TBC1D12: variants seen among roughly 807,000 people sequenced by gnomAD.
TBC1D12 encodes the protein TBC1 domain family, member 12.
A neutral mutation model predicts 86.7 loss-of-function variants in TBC1D12; 56 were observed. The ratio of observed to expected loss-of-function variants is 0.65; its 90% CI spans 0.52 to 0.81. TBC1D12 has a LOEUF of 0.81. Ranked by LOEUF, TBC1D12 falls within the 30% of genes least tolerant of loss-of-function variation. The pLI, the probability that TBC1D12 is intolerant of heterozygous loss-of-function variation, is 0.00. For synonymous variants in TBC1D12, 421 were observed against 411.7 expected (o/e 1.02, Z -0.27); for missense variants, 1,023 against 1,038.8 (o/e 0.98, Z 0.21).
At chr10:94,496,415 G>T (rs184880453) in intron 4 of TBC1D12, among the ~76,000 whole-genome samples, 2 of 151,902 alleles carry the variant, frequency 1.3e-5, no homozygotes, top group African/African-American at 2.4e-5. Context: ...TTTCAAACTA[G>T]TAAAGTGAAA....
rs1842412664 is a variant in TBC1D12, at chr10:94,531,335, C to T, written c.2134C>T (p.Leu712=). Residue 712 remains leucine (L), a synonymous_variant, in exon 12 of 13, where the codon CTG becomes TTG. Transcript: ENST00000225235. Reference sequence around the variant, plus strand: ...CCTCCGATTATATGAAGATATTCTCCTGCAGATGGACTTTATTCATATAGC... The same window carrying T: ...CCTCCGATTATATGAAGATATTCTCTTGCAGATGGACTTTATTCATATAGC... ...GILRLYEDIL[L]QMDFIHIAQF... is the part of the protein sequence containing the mutation. 6 of 1,613,984 alleles carry T rather than the reference C, an allele frequency of 3.7e-6. No individual in the cohort carries two copies. Among genetic ancestry groups the T allele is most frequent in the Non-Finnish European group, 5.1e-6 (6 of 1,180,026 alleles).
At chr10:94,464,358 T>C (rs909984234) in intron 2 of TBC1D12, among the ~76,000 whole-genome samples, 10 of 152,250 alleles carry the variant, frequency 6.6e-5, no homozygotes, top group African/African-American at 2.4e-4. Context: ...TTTTTGTCAC[T>C]GCACTTTATC....
Position 94,533,256 on chromosome 10 carries a change from A to C in TBC1D12, c.*160A>C, listed in dbSNP as rs894092842. On this transcript the variant is annotated 3_prime_UTR_variant, in exon 13 of 13. Transcript: ENST00000225235. ...TACATTTTATGGCTGAAGTAAATGA[A>C]ATAAGTAACTTATTGACAGTATTAA... 2.0e-6 allele frequency: 1 copy of C among 500,486 alleles called. No individual in the cohort carries two copies. The highest frequency in any genetic ancestry group is 3.5e-6 in the Non-Finnish European group (1 of 287,844). 31.0% of individuals were successfully genotyped at this position (500,486 alleles called of 1,614,324 possible). A position where few individuals can be genotyped will look rare whatever the true frequency, so the allele number is the denominator to read the frequency against.
Position 94,510,672 on chromosome 10 carries a change from T to C in TBC1D12, c.1689+493T>C, listed in dbSNP as rs987267771. 3.9e-5 allele frequency among the ~76,000 whole-genome samples: 6 copies of C among 152,196 alleles called. No individual in the cohort carries two copies. In the East Asian group the frequency reaches 7.7e-4, roughly 20 times the overall value. ...TCTTTGACTCATGTCTTTATTTTTATTTCTTTTTAAATTTGAGATCAGGTC... is the reference window on the plus strand; with the variant it reads ...TCTTTGACTCATGTCTTTATTTTTACTTCTTTTTAAATTTGAGATCAGGTC... On this transcript the variant is annotated intron_variant, in intron 8 of 12. Coordinates refer to ENST00000225235, the MANE Select transcript of TBC1D12 (RefSeq NM_015188.2).
Position 94,521,962 on chromosome 10 carries a change from G to C in TBC1D12, c.1769G>C (p.Gly590Ala), listed in dbSNP as rs1842164252. Residue 590 changes from glycine to alanine, a missense_variant, in exon 10 of 13, where the codon GGG becomes GCG. By Grantham distance (60) the Gly-to-Ala change is moderately conservative (BLOSUM62 0). Around this residue, in one of 2 missense-constraint regions of TBC1D12, gnomAD observed 395 missense variants for 507.7 expected, o/e 0.78. Transcript: ENST00000225235. ...CYRPDVGYVQ[G>A]MSFIAAVLIL... ...ATTTTTCTCCCTTTGAAGGTCCAAG[G>C]GATGTCCTTCATTGCAGCAGTACTC... The C allele has an allele frequency of 1.2e-6, 2 of 1,602,406 alleles. No homozygotes were observed. The highest frequency in any genetic ancestry group is 1.7e-6 in the Non-Finnish European group (2 of 1,172,276).
chr10:94,511,715 A>T, intron 9 of TBC1D12, 61 bp downstream of exon 9: 1 of 1,173,836 alleles, frequency 8.5e-7, no homozygotes, highest in Non-Finnish European at 1.3e-6. Context: ...TCTTTATCAA[A>T]ATATCCTATG....
chr10:94,430,827 A>G (rs970714402), intron 1 of TBC1D12, among the ~76,000 whole-genome samples: 2 of 152,124 alleles, frequency 1.3e-5, no homozygotes, highest in Non-Finnish European at 2.9e-5. Context: ...TTTTTCAACT[A>G]TATGTTTTCA....
chr10:94,474,980 G>C (rs61668937), intron 3 of TBC1D12, among the ~76,000 whole-genome samples, 197 bp downstream of exon 3: 1 of 152,118 alleles, frequency 6.6e-6, no homozygotes, highest in Non-Finnish European at 1.5e-5. Context: ...TAGAGACAGG[G>C]TCTTGCTATG....
intron 1 of TBC1D12, among the ~76,000 whole-genome samples, chr10:94,408,736 C>T (rs920039321): frequency 2.6e-5 from 4 of 152,038 alleles, no homozygotes; most frequent in African/African-American, 7.2e-5. Flanking sequence ...AAATAAAAAA[C>T]GACAGTTTCA....
chr10:94,529,190 T>C (rs890792388), intron 11 of TBC1D12, among the ~76,000 whole-genome samples: 1 of 152,126 alleles, frequency 6.6e-6, no homozygotes. Flanking sequence ...TGCTATTTTA[T>C]AGAGATGGGG....
chr10:94,457,863 C>A (rs1240197346), intron 2 of TBC1D12, among the ~76,000 whole-genome samples: 1 of 151,994 alleles, frequency 6.6e-6, no homozygotes, highest in East Asian at 1.9e-4. Flanking sequence ...AAGCCAACTC[C>A]ACTTTCAGGC....
intron 2 of TBC1D12, among the ~76,000 whole-genome samples, chr10:94,444,353 CAG>C (rs1453134136): frequency 1.3e-5 from 2 of 151,598 alleles, no homozygotes; most frequent in African/African-American, 4.8e-5. Context: ...TGAAAAAAAT[CAG>C]AGACACTAAA....
At chr10:94,478,243 CAG>C (rs767473042) in intron 3 of TBC1D12, among the ~76,000 whole-genome samples, 135 of 152,172 alleles carry the variant, frequency 8.9e-4, no homozygotes, top group Non-Finnish European at 1.6e-3. Context: ...GCCTGGGTGA[CAG>C]AGTGAAACCC....
intron 9 of TBC1D12, among the ~76,000 whole-genome samples, chr10:94,514,700 C>T (rs1445050139): frequency 6.6e-6 from 1 of 152,072 alleles, no homozygotes; most frequent in Admixed American, 6.6e-5. Context: ...CTTAACTTGG[C>T]TATTTTGAGT....
Position 94,500,277 on chromosome 10 carries a change from G to A in TBC1D12, c.1469G>A (p.Arg490His), listed in dbSNP as rs774337964. Reference protein sequence around the residue: ...LWWQGLPPSVRGKVWSLAVGN... With the variant: ...LWWQGLPPSVHGKVWSLAVGN... ...TGGCAGGGATTGCCCCCTAGTGTCC[G>A]TGGGAAAGTTTGGAGTCTAGCTGTA... The change falls in exon 6 of 13, where the codon CGT (arginine) becomes CAT (histidine). Residue 490 changes from arginine (R) to histidine (H), a missense_variant. This residue lies in a region of TBC1D12 where 395 missense variants were observed against 507.7 expected (regional missense o/e 0.78). Coordinates refer to ENST00000225235, the MANE Select transcript of TBC1D12 (RefSeq NM_015188.2). The A allele has an allele frequency of 1.4e-5, 23 of 1,613,852 alleles. No homozygotes were observed. The highest frequency in any genetic ancestry group is 1.8e-5 in the Non-Finnish European group (21 of 1,179,958).
At chr10:94,531,492 G>A (rs927502790) in intron 12 of TBC1D12, 32 bp downstream of exon 12, 2 of 1,548,416 alleles carry the variant, frequency 1.3e-6, no homozygotes, top group Non-Finnish European at 1.7e-6. Context: ...TTTAATAGAT[G>A]TGTTAAAGCA....
chr10:94,489,904 C>G (rs536058030), intron 3 of TBC1D12, among the ~76,000 whole-genome samples: 1 of 152,266 alleles, frequency 6.6e-6, no homozygotes, highest in South Asian at 2.1e-4. Flanking sequence ...CAAAAATCAC[C>G]TATCACAGAT....
At chr10:94,497,284 A>G in intron 5 of TBC1D12, 112 bp downstream of exon 5, 1 of 515,974 alleles carries the variant, frequency 1.9e-6, no homozygotes. Flanking sequence ...ACATGTGCAC[A>G]ATGTGCAGGT....
At chr10:94,456,134 T>G (rs1430647941) in intron 2 of TBC1D12, among the ~76,000 whole-genome samples, 1 of 152,158 alleles carries the variant, frequency 6.6e-6, no homozygotes, top group Non-Finnish European at 1.5e-5. Flanking sequence ...TGTTAGCTTT[T>G]GGTTTTGTTG....
Sources: allele counts gnomAD v4.1 joint callset (sites outside exome capture counted in the v4.1 genomes callset), GRCh38; gene constraint gnomAD v4.1.1; regional missense constraint gnomAD v4.1.1; transcripts MANE v1.5; gene names NCBI Gene and HGNC (gene_info 2026-07-23, HGNC 2026-07-21).